LRRC37A2: variants seen among roughly 807,000 people sequenced by gnomAD.
The protein encoded by LRRC37A2 is leucine rich repeat containing 37 member A2, also known as leucine-rich repeat-containing protein 37A2.
A neutral mutation model predicts 68.8 loss-of-function variants in LRRC37A2; 9 were observed. The ratio of observed to expected loss-of-function variants is 0.13; its 90% CI spans 0.08 to 0.23. LRRC37A2 has a LOEUF of 0.23. Ranked by LOEUF, LRRC37A2 falls within the 10% of genes least tolerant of loss-of-function variation. LRRC37A2 has a pLI of 1.00. For missense variants in LRRC37A2, 168 were observed against 950.4 expected, an observed-to-expected ratio of 0.18 and a Z score of 10.82; for synonymous variants, 63 against 367.6, an observed-to-expected ratio of 0.17 and a Z score of 9.48.
At chr17:46,816,779 G>A in the LRRC37A2 span, among the ~76,000 whole-genome samples, 6 of 152,102 alleles carry the variant, frequency 3.9e-5, no homozygotes, top group Non-Finnish European at 7.4e-5. Flanking sequence ...CCTATGGGCC[G>A]CCAAACCTTT....
At chr17:46,804,552 A>G in the LRRC37A2 span, among the ~76,000 whole-genome samples, 3 of 152,166 alleles carry the variant, frequency 2.0e-5, no homozygotes, top group African/African-American at 7.2e-5. Flanking sequence ...TCTTTCCCTG[A>G]TTTAAAGGCA....
chr17:46,765,052 G>A, the LRRC37A2 span, among the ~76,000 whole-genome samples: 1 of 152,254 alleles, frequency 6.6e-6, no homozygotes, highest in African/African-American at 2.4e-5. Context: ...TGTCCAAATG[G>A]GAGAGAGCCT....
At chr17:46,985,881 G>T in the LRRC37A2 span, among the ~76,000 whole-genome samples, 1 of 152,206 alleles carries the variant, frequency 6.6e-6, no homozygotes, top group Non-Finnish European at 1.5e-5. Flanking sequence ...TATGCTTCTT[G>T]TGGGCTTGAA....
chr17:46,550,487 A>T lies in LRRC37A2; in HGVS notation c.4777A>T (p.Thr1593Ser), dbSNP rs374452768. ...GGCATTAATTGTTACTGGAATACTA[A>T]CGATTTTGATTATACTTTTCTGCCT... The change falls in exon 11 of 15, where the codon ACG becomes TCG. Residue 1593 changes from threonine to serine, a missense_variant. Coordinates refer to ENST00000576629, the Ensembl canonical transcript of LRRC37A2. 18 of 810,772 alleles carry T rather than the reference A, an allele frequency of 2.2e-5. No homozygotes were observed. The highest frequency in any genetic ancestry group is 8.3e-4 in the Middle Eastern group (2 of 2,416). 50.2% of individuals were successfully genotyped at this position (810,772 alleles called of 1,614,324 possible). A position where few individuals can be genotyped will look rare whatever the true frequency, so the allele number is the denominator to read the frequency against.
the LRRC37A2 span, chr17:46,955,446 A>G: frequency 1.3e-5 from 2 of 152,138 alleles, no homozygotes; most frequent in African/African-American, 4.8e-5. Flanking sequence ...TTTTGCATCA[A>G]TGTTCATCAA....
At chr17:46,935,408 T>C in the LRRC37A2 span, 2 of 1,429,926 alleles carry the variant, frequency 1.4e-6, no homozygotes, top group Non-Finnish European at 1.8e-6. Flanking sequence ...AGGATCCAGG[T>C]CTTTTCCCAT....
At chr17:46,870,406 C>G in the LRRC37A2 span, among the ~76,000 whole-genome samples, 7 of 152,272 alleles carry the variant, frequency 4.6e-5, no homozygotes, top group South Asian at 1.5e-3. Context: ...TGCCAGGCTG[C>G]AGGGAGGGGT....
At chr17:46,978,803 G>A in the LRRC37A2 span, 5 of 1,611,068 alleles carry the variant, frequency 3.1e-6, no homozygotes, top group East Asian at 2.2e-5. Context: ...ACGGCGATCT[G>A]CGCCACCCGC....
chr17:46,850,557 G>T, the LRRC37A2 span, among the ~76,000 whole-genome samples: 41 of 152,270 alleles, frequency 2.7e-4, no homozygotes, highest in Admixed American at 2.4e-3. Context: ...AACTTTACAT[G>T]CAGATCTTGA....
At chr17:46,984,436 G>C in the LRRC37A2 span, among the ~76,000 whole-genome samples, 12 of 152,178 alleles carry the variant, frequency 7.9e-5, no homozygotes, top group African/African-American at 9.7e-5. Context: ...CCCTGCTCTA[G>C]AGAAAAGGAA....
the LRRC37A2 span, among the ~76,000 whole-genome samples, chr17:46,920,180 A>C: frequency 6.6e-6 from 1 of 152,182 alleles, no homozygotes; most frequent in South Asian, 2.1e-4. Context: ...GACACTGTTA[A>C]AATTCTATTG....
chr17:46,875,240 G>C, the LRRC37A2 span: 3 of 1,614,222 alleles, frequency 1.9e-6, no homozygotes, highest in Non-Finnish European at 2.5e-6. Context: ...AGGCCTGGCA[G>C]TGGGGCGTGT....
the LRRC37A2 span, among the ~76,000 whole-genome samples, chr17:47,020,009 A>C: frequency 6.9e-6 from 1 of 145,658 alleles, no homozygotes; most frequent in Non-Finnish European, 1.5e-5. Flanking sequence ...CTGGTCTTTT[A>C]CTCGTTTTCG....
chr17:46,792,228 C>A, the LRRC37A2 span, among the ~76,000 whole-genome samples: 1 of 152,206 alleles, frequency 6.6e-6, no homozygotes, highest in Admixed American at 6.5e-5. Flanking sequence ...CTCAAATCAC[C>A]ATGGGTGGGA....
chr17:47,032,595 T>G, the LRRC37A2 span, among the ~76,000 whole-genome samples: 1 of 151,806 alleles, frequency 6.6e-6, no homozygotes, highest in Non-Finnish European at 1.5e-5. Context: ...AATCCCACGC[T>G]TCTGGAGCTC....
the LRRC37A2 span, among the ~76,000 whole-genome samples, chr17:47,004,710 TG>T: frequency 1.3e-5 from 2 of 152,192 alleles, no homozygotes; most frequent in Non-Finnish European, 2.9e-5. Context: ...CTTTATTTTT[TG>T]TAGAGACAGC....
the LRRC37A2 span, among the ~76,000 whole-genome samples, chr17:46,631,105 C>CAT: frequency 2.5e-4 from 37 of 145,472 alleles, no homozygotes; most frequent in African/African-American, 7.2e-4. Flanking sequence ...CACACACACA[C>CAT]ATCTTTTATC....
the LRRC37A2 span, among the ~76,000 whole-genome samples, chr17:46,834,699 G>A: frequency 2.6e-3 from 402 of 152,200 alleles, 3 homozygotes; most frequent in African/African-American, 9.3e-3. Flanking sequence ...CCCCCATGCA[G>A]AGGAGCCAGT....
chr17:46,958,592 C>T, the LRRC37A2 span, among the ~76,000 whole-genome samples: 1 of 152,166 alleles, frequency 6.6e-6, no homozygotes, highest in South Asian at 2.1e-4. Flanking sequence ...GTGTGGGATA[C>T]CACAGTGAGA....
Sources: gnomAD v4.1 joint callset for allele counts (sites outside exome capture counted in the v4.1 genomes callset) on GRCh38, gnomAD v4.1.1 for gene constraint, MANE v1.5 for transcripts, NCBI Gene and HGNC (gene_info 2026-07-23, HGNC 2026-07-21) for gene names.